The following FOCAD variants were observed in gnomAD, a reference collection of about 807,000 sequenced individuals.
The protein encoded by FOCAD is KIAA1797.
A neutral mutation model predicts 225.6 loss-of-function variants in FOCAD; 198 were observed. That is an observed-to-expected ratio of 0.88 (90% CI 0.78 to 0.99). The LOEUF is 0.99. Among genes scored for constraint, FOCAD ranks in the 50% least tolerant of loss-of-function variants. The pLI, the probability that FOCAD is intolerant of heterozygous loss-of-function variation, is 0.00. For synonymous variants in FOCAD, 897 were observed against 755.0 expected (o/e 1.19, Z -3.08); for missense variants, 2,713 against 2,123.6 (o/e 1.28, Z -5.46).
chr9:20,794,222 G>A (rs986998822), intron 11 of FOCAD, among the ~76,000 whole-genome samples: 3 of 152,120 alleles, frequency 2.0e-5, no homozygotes, highest in Non-Finnish European at 2.9e-5. Context: ...GAGAGCAGGA[G>A]GTAATGTCCT....
intron 23 of FOCAD, among the ~76,000 whole-genome samples, chr9:20,915,588 G>A (rs939955448): frequency 1.4e-4 from 22 of 152,202 alleles, no homozygotes; most frequent in African/African-American, 5.1e-4. Context: ...GGTTCTAGAA[G>A]GATCTAGAGA....
rs975769315 is a variant in FOCAD at position 20,948,856 on chromosome 9, T to C, written c.3804T>C (p.Thr1268=). The C allele has an allele frequency of 1.2e-6, 2 of 1,613,448 alleles. No homozygotes were observed. Among genetic ancestry groups the C allele is most frequent in the Non-Finnish European group, 1.7e-6 (2 of 1,179,474 alleles). The change falls in exon 32 of 44, where the codon ACT becomes ACC. Residue 1268 remains threonine, a synonymous_variant. Transcript: ENST00000338382. ...AWIRIVLTEG[T]PTMLCLAALH... is the part of the protein sequence containing the mutation. ...TTCTGATGCTTTGTTTTCAGGGCAC[T>C]CCCACAATGCTTTGTCTGGCAGCTC...
intron 35 of FOCAD, among the ~76,000 whole-genome samples, chr9:20,967,227 G>C (rs549478131): frequency 6.6e-6 from 1 of 152,142 alleles, no homozygotes; most frequent in South Asian, 2.1e-4. Flanking sequence ...CGGTGTATAA[G>C]TCTTTACCCT....
intron 2 of FOCAD, among the ~76,000 whole-genome samples, chr9:20,670,126 A>G (rs970650783): frequency 8.5e-5 from 13 of 152,360 alleles, no homozygotes; most frequent in African/African-American, 1.7e-4. Flanking sequence ...ATTAACAACA[A>G]TAATATCTAT....
chr9:20,783,583 ATTT>A (rs11355264), intron 10 of FOCAD, among the ~76,000 whole-genome samples: 1 of 143,618 alleles, frequency 7.0e-6, no homozygotes. Flanking sequence ...TGACTATTGG[ATTT>A]TTTTTTTTTT....
intron 5 of FOCAD, among the ~76,000 whole-genome samples, chr9:20,750,995 C>T (rs911580041): frequency 6.6e-6 from 1 of 151,946 alleles, no homozygotes; most frequent in Admixed American, 6.6e-5. Context: ...AGTCTGATCG[C>T]CTTATTTTAT....
chr9:20,839,131 G>GGT lies in FOCAD; in HGVS notation c.1920+16029_1920+16030dup, dbSNP rs756847299. On this transcript the variant is annotated intron_variant, in intron 15 of 43. Coordinates refer to ENST00000338382, the MANE Select transcript of FOCAD (RefSeq NM_001375567.1). ...AATTTATGTTGTGTGCCTATATAGGGGTGTGTGTGTGTGTTTGTGAGTATG... is the reference window on the plus strand; with the variant it reads ...AATTTATGTTGTGTGCCTATATAGGGGTGTGTGTGTGTGTGTTTGTGAGTATG... Among the ~76,000 whole-genome samples the GGT allele has an allele frequency of 5.6e-4, 85 of 151,364 alleles. 1 individual carries two copies. Among genetic ancestry groups the GGT allele is most frequent in the South Asian group, 5.0e-3 (24 of 4,798 alleles).
chr9:20,989,155 G>T (rs918955760), intron 41 of FOCAD, among the ~76,000 whole-genome samples: 1 of 152,118 alleles, frequency 6.6e-6, no homozygotes, highest in Non-Finnish European at 1.5e-5. Context: ...TATTCTGTTT[G>T]CTGTGTGAGT....
intron 1 of FOCAD, among the ~76,000 whole-genome samples, chr9:20,703,063 G>A (rs1824095457): frequency 6.6e-6 from 1 of 152,014 alleles, no homozygotes; most frequent in African/African-American, 2.4e-5. Flanking sequence ...TTGGGGAGGT[G>A]GGGGTGGAGT....
chr9:20,967,442 T>G (rs1325448474), intron 35 of FOCAD, among the ~76,000 whole-genome samples: 1 of 152,178 alleles, frequency 6.6e-6, no homozygotes, highest in Non-Finnish European at 1.5e-5. Flanking sequence ...TTTCTCTATA[T>G]AGGATCATAT....
intron 11 of FOCAD, among the ~76,000 whole-genome samples, chr9:20,815,523 T>G (rs1439524550): frequency 7.7e-6 from 1 of 130,290 alleles, no homozygotes. Flanking sequence ...CACCCACCCC[T>G]GCCCACTCCT....
intron 1 of FOCAD, 147 bp from the exon 2 acceptor site, chr9:20,715,175 C>A: frequency 5.7e-6 from 2 of 352,074 alleles, no homozygotes; most frequent in East Asian, 4.2e-5. Flanking sequence ...TGAAGTTTTG[C>A]CAAGGATTAC....
intron 1 of FOCAD, among the ~76,000 whole-genome samples, chr9:20,696,101 T>A (rs895586333): frequency 1.6e-4 from 24 of 152,262 alleles, no homozygotes; most frequent in African/African-American, 5.3e-4. Context: ...ACTGCTTTGT[T>A]CTTTCAGTTA....
At chr9:20,919,602 A>G (rs1834198484) in intron 24 of FOCAD, among the ~76,000 whole-genome samples, 1 of 152,222 alleles carries the variant, frequency 6.6e-6, no homozygotes, top group Non-Finnish European at 1.5e-5. Context: ...TGGAACTGGT[A>G]CCAAAACAGA....
At chr9:20,793,389 G>T (rs1346954699) in intron 11 of FOCAD, among the ~76,000 whole-genome samples, 1 of 152,072 alleles carries the variant, frequency 6.6e-6, no homozygotes, top group East Asian at 1.9e-4. Context: ...GTGTTTTCCC[G>T]GTTGTGTGCA....
chr9:20,966,887 T>G lies in FOCAD; in HGVS notation c.4133-9533T>G, dbSNP rs540933065. Among the ~76,000 whole-genome samples the G allele has an allele frequency of 2.0e-5, 3 of 152,236 alleles. No homozygotes were observed. In the East Asian group the frequency reaches 5.8e-4, roughly 29 times the overall value. On this transcript the variant is annotated intron_variant, in intron 35 of 43. Coordinates refer to ENST00000338382, the MANE Select transcript of FOCAD (RefSeq NM_001375567.1). ...ATAAACCTATGCACTGGTCTATATG[T>G]CTGTCTTTATATGTACTAATACCAC... is the stretch of plus-strand genomic sequence containing the variant.
chr9:20,952,245 T>A (rs1837750606), intron 34 of FOCAD, among the ~76,000 whole-genome samples: 1 of 152,154 alleles, frequency 6.6e-6, no homozygotes, highest in Admixed American at 6.5e-5. Context: ...TCAAATCAGG[T>A]ACTAGTGAAT....
chr9:20,770,065 A>G lies in FOCAD; in HGVS notation c.733A>G (p.Met245Val). Residue 245 changes from methionine to valine, a missense_variant, in exon 8 of 44, where the codon ATG becomes GTG. Met to Val is a conservative substitution (Grantham distance 21, BLOSUM62 1). Coordinates refer to ENST00000338382, the MANE Select transcript of FOCAD (RefSeq NM_001375567.1). ...KDLIQTTEAM[M>V]FIEEVCLSLL... Reference sequence around the variant, plus strand: ...TTTGATACAGACAACAGAGGCGATGATGTTTATTGAGGAAGTATGTTTAAG... The same window carrying G: ...TTTGATACAGACAACAGAGGCGATGGTGTTTATTGAGGAAGTATGTTTAAG... 3 of 1,614,068 alleles carry G rather than the reference A, an allele frequency of 1.9e-6. No individual in the cohort carries two copies. In the African/African-American group the frequency reaches 4.0e-5, roughly 22 times the overall value.
intron 4 of FOCAD, among the ~76,000 whole-genome samples, chr9:20,733,948 C>T (rs1455791721): frequency 6.6e-6 from 1 of 152,142 alleles, no homozygotes; most frequent in Non-Finnish European, 1.5e-5. Flanking sequence ...CTGCAGTGAG[C>T]TATAGTGAGC....
Sources: allele counts gnomAD v4.1 joint callset (sites outside exome capture counted in the v4.1 genomes callset), GRCh38; gene constraint gnomAD v4.1.1; transcripts MANE v1.5; gene names NCBI Gene and HGNC (gene_info 2026-07-23, HGNC 2026-07-21).